Variants in GHR observed in about 807,000 individuals in gnomAD.
GHR encodes the protein growth hormone receptor.
Under a neutral mutation model 67.1 loss-of-function variants are expected in GHR, and 35 were observed. The observed-to-expected ratio is 0.52, with a 90% CI of 0.40 to 0.69. The LOEUF (loss-of-function observed/expected upper bound fraction) is 0.69, where lower values mean the gene tolerates loss of function less well. Among genes scored for constraint, GHR ranks in the 30% least tolerant of loss-of-function variants. GHR has a pLI of 0.00. For synonymous variants in GHR, 272 were observed against 269.1 expected (o/e 1.01, Z -0.10); for missense variants, 792 against 764.6 (o/e 1.04, Z -0.42).
intron 1 of GHR, among the ~76,000 whole-genome samples, chr5:42,527,594 T>A (rs1252706642): frequency 6.6e-6 from 1 of 152,084 alleles, no homozygotes; most frequent in East Asian, 1.9e-4. Context: ...AGACATAGAC[T>A]CCCTCACAAT....
intron 1 of GHR, among the ~76,000 whole-genome samples, chr5:42,443,369 T>A (rs1561305995): frequency 6.6e-6 from 1 of 152,154 alleles, no homozygotes; most frequent in Non-Finnish European, 1.5e-5. Flanking sequence ...TATAGTTCAT[T>A]TTGGGCTAAG....
chr5:42,676,380 G>A (rs371058043), intron 3 of GHR, among the ~76,000 whole-genome samples: 7 of 152,220 alleles, frequency 4.6e-5, no homozygotes, highest in East Asian at 1.9e-4. Flanking sequence ...ACTTTACAAC[G>A]AGCTGTACCT....
intron 3 of GHR, among the ~76,000 whole-genome samples, chr5:42,638,600 C>A (rs949157371): frequency 6.6e-6 from 1 of 152,226 alleles, no homozygotes; most frequent in Non-Finnish European, 1.5e-5. Context: ...ATTTATGTAT[C>A]TAAACATAGA....
At chr5:42,541,064 CCATTAGTTCATT>C (rs1263793779) in intron 1 of GHR, among the ~76,000 whole-genome samples, 1 of 151,700 alleles carries the variant, frequency 6.6e-6, no homozygotes, top group Non-Finnish European at 1.5e-5. Context: ...TTTTTCCTCA[CCATTAGTTCATT>C]CACCTAATAA....
At chr5:42,432,280 A>G (rs1743127903) in intron 1 of GHR, among the ~76,000 whole-genome samples, 1 of 152,220 alleles carries the variant, frequency 6.6e-6, no homozygotes, top group Admixed American at 6.5e-5. Context: ...AAAACTTTGA[A>G]TTGCCATATC....
intron 3 of GHR, among the ~76,000 whole-genome samples, chr5:42,673,824 T>C (rs1756436090): frequency 6.6e-6 from 1 of 152,262 alleles, no homozygotes; most frequent in African/African-American, 2.4e-5. Context: ...GGTACTATGC[T>C]CATTCCCTGG....
At chr5:42,714,303 G>C (rs967148352) in intron 8 of GHR, 1 of 152,090 alleles carries the variant, frequency 6.6e-6, no homozygotes, top group African/African-American at 2.4e-5. Flanking sequence ...AACTCTCCTG[G>C]TTTTTAGCAA....
At chr5:42,574,431 G>T (rs2112516229) in intron 2 of GHR, among the ~76,000 whole-genome samples, 1 of 152,352 alleles carries the variant, frequency 6.6e-6, no homozygotes, top group East Asian at 1.9e-4. Context: ...CGGTTGACTA[G>T]CTTTCTTTTC....
At chr5:42,677,469 A>C (rs1756626639) in intron 3 of GHR, among the ~76,000 whole-genome samples, 1 of 152,144 alleles carries the variant, frequency 6.6e-6, no homozygotes, top group Non-Finnish European at 1.5e-5. Context: ...TTTTAATTTA[A>C]CACTAATATG....
intron 2 of GHR, among the ~76,000 whole-genome samples, chr5:42,573,925 T>C (rs563198729): frequency 1.7e-4 from 25 of 146,926 alleles, no homozygotes; most frequent in African/African-American, 6.6e-4. Context: ...TGGATAACCA[T>C]GTGCTATGTG....
Position 42,443,956 on chromosome 5 carries a change from T to G in GHR, c.-12+20001T>G, listed in dbSNP as rs185056783. On this transcript the variant is annotated intron_variant, in intron 1 of 9. Transcript: ENST00000230882. The stretch of plus-strand genomic sequence containing the variant: ...AGCCAAGGTGATATAGATATAGATA[T>G]AGATAGATATAGATATAGATATAGA... Among the ~76,000 whole-genome samples, 353 of 115,356 alleles carry G rather than the reference T, an allele frequency of 3.1e-3. 1 individual carries two copies. The highest frequency in any genetic ancestry group is 0.012 in the African/African-American group (341 of 27,808). 75.7% of individuals were successfully genotyped at this position (115,356 alleles called of 152,430 possible). A position where few individuals can be genotyped will look rare whatever the true frequency, so the allele number is the denominator to read the frequency against.
chr5:42,549,614 A>G (rs2112412361), intron 1 of GHR: 2 of 931,260 alleles, frequency 2.1e-6, no homozygotes, highest in East Asian at 1.2e-4. Flanking sequence ...GCAGGGCCAG[A>G]GGTGTGAATA....
Position 42,501,898 on chromosome 5 carries a change from A to G in GHR, c.-11-63966A>G, listed in dbSNP as rs145581482. 7.7e-3 allele frequency among the ~76,000 whole-genome samples: 1,175 copies of G among 152,336 alleles called. 10 individuals are homozygous for G. The highest frequency in any genetic ancestry group is 0.027 in the African/African-American group (1,119 of 41,574). The stretch of plus-strand genomic sequence containing the variant: ...ATCCTATAATCACCATGCTTGACAA[A>G]TGGTGTTTTTGCTAAGCCTCACAGC... On this transcript the variant is annotated intron_variant, in intron 1 of 9. Coordinates refer to ENST00000230882, the MANE Select transcript of GHR (RefSeq NM_000163.5).
intron 1 of GHR, chr5:42,465,877 A>G: frequency 1.4e-6 from 1 of 724,930 alleles, no homozygotes; most frequent in South Asian, 1.6e-5. Flanking sequence ...CGCCTCCTTC[A>G]CCCCTTTCAT....
At chr5:42,545,157 G>A (rs552258691) in intron 1 of GHR, among the ~76,000 whole-genome samples, 4 of 151,998 alleles carry the variant, frequency 2.6e-5, no homozygotes, top group East Asian at 1.9e-4. Context: ...TGATAGAACC[G>A]GCCTGAATCA....
chr5:42,444,750 AT>A (rs1357784385), intron 1 of GHR, among the ~76,000 whole-genome samples: 22 of 152,056 alleles, frequency 1.4e-4, no homozygotes, highest in African/African-American at 5.3e-4. Flanking sequence ...CTTTTCTCTA[AT>A]TTTTTTCATT....
chr5:42,481,246 C>G (rs555507313), intron 1 of GHR, among the ~76,000 whole-genome samples: 1 of 152,316 alleles, frequency 6.6e-6, no homozygotes, highest in South Asian at 2.1e-4. Context: ...AGAGTTTCTG[C>G]CGAGAGATTA....
chr5:42,649,711 A>G (rs1175747767), intron 3 of GHR, among the ~76,000 whole-genome samples: 1 of 152,224 alleles, frequency 6.6e-6, no homozygotes, highest in Non-Finnish European at 1.5e-5. Flanking sequence ...AAGAACATCC[A>G]GGATAACTAA....
intron 1 of GHR, among the ~76,000 whole-genome samples, chr5:42,544,417 TC>T (rs1302766157): frequency 6.6e-6 from 1 of 152,158 alleles, no homozygotes; most frequent in African/African-American, 2.4e-5. Flanking sequence ...TCTCTTCTTG[TC>T]TAGTTTGAAT....
Sources: gnomAD v4.1 joint callset for allele counts (sites outside exome capture counted in the v4.1 genomes callset) on GRCh38, gnomAD v4.1.1 for gene constraint, MANE v1.5 for transcripts, NCBI Gene and HGNC (gene_info 2026-07-23, HGNC 2026-07-21) for gene names.